Variants in GRM8 observed in about 807,000 individuals in gnomAD.
GRM8 encodes glutamate metabotropic receptor 8, also known as metabotropic glutamate receptor 8.
Under a neutral mutation model 87.2 loss-of-function variants are expected in GRM8, and 47 were observed. That is an observed-to-expected ratio of 0.54 (90% CI 0.43 to 0.69). The LOEUF is 0.69. Ranked by LOEUF, GRM8 falls within the 30% of genes least tolerant of loss-of-function variation. GRM8 has a pLI of 0.00. For synonymous variants in GRM8, 396 were observed against 404.5 expected (o/e 0.98, Z 0.25); for missense variants, 1,019 against 1,139.2 (o/e 0.89, Z 1.52).
intron 3 of GRM8, among the ~76,000 whole-genome samples, chr7:127,020,551 A>G (rs191940861): frequency 9.3e-4 from 141 of 152,228 alleles, no homozygotes; most frequent in Non-Finnish European, 8.8e-5. Flanking sequence ...CAGTAAGAAC[A>G]AAATGTTTAT....
intron 1 of GRM8, among the ~76,000 whole-genome samples, chr7:127,251,453 A>G (rs539431342): frequency 6.6e-6 from 1 of 152,184 alleles, no homozygotes; most frequent in South Asian, 2.1e-4. Flanking sequence ...TGAGCGGTCC[A>G]TCTCTACCTC....
chr7:126,501,808 T>G (rs963977178), intron 9 of GRM8, among the ~76,000 whole-genome samples: 1 of 151,844 alleles, frequency 6.6e-6, no homozygotes, highest in Non-Finnish European at 1.5e-5. Flanking sequence ...TGAGTGTCAA[T>G]GGGGTCCAGG....
At chr7:127,139,834 G>A (rs766338029) in intron 2 of GRM8, among the ~76,000 whole-genome samples, 2 of 152,108 alleles carry the variant, frequency 1.3e-5, no homozygotes, top group African/African-American at 2.4e-5. Context: ...TAGCTGGAAA[G>A]GCCATGTGAT....
At chr7:127,158,915 C>A (rs1792916106) in intron 2 of GRM8, among the ~76,000 whole-genome samples, 1 of 152,086 alleles carries the variant, frequency 6.6e-6, no homozygotes, top group Non-Finnish European at 1.5e-5. Flanking sequence ...TCTGCCTCAC[C>A]ACCTCTAGAA....
intron 7 of GRM8, among the ~76,000 whole-genome samples, chr7:126,621,890 T>C (rs1332538879): frequency 6.6e-6 from 1 of 152,104 alleles, no homozygotes; most frequent in Non-Finnish European, 1.5e-5. Flanking sequence ...ACTTCCCAAT[T>C]CATTAATCAC....
intron 2 of GRM8, among the ~76,000 whole-genome samples, chr7:127,216,535 C>CAAAAAAAAAAAAAAA (rs796757040): frequency 8.6e-6 from 1 of 115,960 alleles, no homozygotes; most frequent in Non-Finnish European, 1.7e-5. Context: ...AAAAAAAAAA[C>CAAAAAAAAAAAAAAA]AAAAAAAAAA....
rs1799068322 is a variant in GRM8, at chr7:126,612,953, G to A, written c.1358-3455C>T. On this transcript the variant is annotated intron_variant, in intron 7 of 10. Transcript: ENST00000339582. ...ACCACGGGGAAACTTTGACATATCT[G>A]TGAATGGGCTCTGAGTTAATCACCA... 3.3e-5 allele frequency among the ~76,000 whole-genome samples: 5 copies of A among 152,194 alleles called. No homozygotes were observed. In the South Asian group the frequency reaches 1.0e-3, roughly 31 times the overall value.
At chr7:126,996,076 G>T (rs17862254) in intron 3 of GRM8, among the ~76,000 whole-genome samples, 27,027 of 151,840 alleles carry the variant, frequency 0.18, 2,608 homozygotes, top group East Asian at 0.26. Context: ...GGATAAAAAC[G>T]TTTTACCCTG....
At chr7:126,545,373 A>G (rs2150908911) in intron 8 of GRM8, among the ~76,000 whole-genome samples, 1 of 152,338 alleles carries the variant, frequency 6.6e-6, no homozygotes, top group South Asian at 2.1e-4. Flanking sequence ...AACTTATGAT[A>G]ATTCTAATTT....
rs549808090 is a variant in GRM8, at chr7:126,623,815, C to T, written c.1358-14317G>A. Among the ~76,000 whole-genome samples, 15 of 152,284 alleles carry T rather than the reference C, an allele frequency of 9.9e-5. No individual in the cohort carries two copies. The South Asian group carries it at 3.1e-3, about 32-fold the overall frequency. On this transcript the variant is annotated intron_variant, in intron 7 of 10. Coordinates refer to ENST00000339582, the MANE Select transcript of GRM8 (RefSeq NM_000845.3). ...TATCTAGGCCAGGCATGGTGGCATA[C>T]ACCTGTAATTCCAGCCACTTAAGAG... is the stretch of plus-strand genomic sequence containing the variant.
intron 7 of GRM8, among the ~76,000 whole-genome samples, chr7:126,672,716 G>T (rs975155545): frequency 3.9e-5 from 6 of 152,060 alleles, no homozygotes; most frequent in African/African-American, 1.4e-4. Flanking sequence ...CTGGTAAAAG[G>T]CCTTGGGATT....
intron 7 of GRM8, among the ~76,000 whole-genome samples, chr7:126,681,723 G>T (rs1807613219): frequency 6.6e-6 from 1 of 152,152 alleles, no homozygotes; most frequent in Non-Finnish European, 1.5e-5. Context: ...GCTTTAAGAG[G>T]CAGACACAAG....
chr7:127,061,512 G>A (rs1820590464), intron 3 of GRM8, among the ~76,000 whole-genome samples: 1 of 152,158 alleles, frequency 6.6e-6, no homozygotes, highest in Non-Finnish European at 1.5e-5. Flanking sequence ...CTAGGTGAAT[G>A]GGCACAGATC....
chr7:127,030,037 C>T (rs991324574), intron 3 of GRM8, among the ~76,000 whole-genome samples: 1 of 152,066 alleles, frequency 6.6e-6, no homozygotes, highest in African/African-American at 2.4e-5. Context: ...TCAGTATAGT[C>T]TTGACCAAGA....
intron 9 of GRM8, among the ~76,000 whole-genome samples, chr7:126,520,988 A>G (rs1812906426): frequency 1.3e-5 from 2 of 152,184 alleles, no homozygotes; most frequent in Admixed American, 1.3e-4. Context: ...TGTTGAAGAA[A>G]GGACAGCACT....
In GRM8 at chr7:126,486,179, C is replaced by T. The variant is rs903243547; in HGVS notation, c.2431-39807G>A. Among the ~76,000 whole-genome samples, 10 of 152,152 alleles carry T rather than the reference C, an allele frequency of 6.6e-5. No individual in the cohort carries two copies. The South Asian group carries it at 1.7e-3, about 25-fold the overall frequency. On this transcript the variant is annotated intron_variant, in intron 9 of 10. Transcript: ENST00000339582. ...AAGAGACTAATTTCAGTAACTTTCT[C>T]GTGGTAAGAGACCACCAACCACTGG...
At chr7:127,033,081 C>T (rs1252344928) in intron 3 of GRM8, among the ~76,000 whole-genome samples, 12 of 138,714 alleles carry the variant, frequency 8.7e-5, no homozygotes, top group African/African-American at 3.3e-4. Flanking sequence ...AGAATTTTTT[C>T]AGATGTTATT....
At chr7:127,236,019 C>CTTAA (rs145950477) in intron 2 of GRM8, among the ~76,000 whole-genome samples, 11,775 of 152,046 alleles carry the variant, frequency 0.077, 679 homozygotes, top group African/African-American at 0.16. Flanking sequence ...ATATATTTTG[C>CTTAA]TTATTTTACT....
intron 9 of GRM8, among the ~76,000 whole-genome samples, chr7:126,479,660 T>A (rs191838552): frequency 6.6e-6 from 1 of 152,126 alleles, no homozygotes; most frequent in Non-Finnish European, 1.5e-5. Context: ...TTTTTGACTA[T>A]TTTAAATAAT....
Sources: allele counts gnomAD v4.1 joint callset (sites outside exome capture counted in the v4.1 genomes callset), GRCh38; gene constraint gnomAD v4.1.1; transcripts MANE v1.5; gene names NCBI Gene and HGNC (gene_info 2026-07-23, HGNC 2026-07-21).